The following HECW2 variants were observed in gnomAD, a reference collection of about 807,000 sequenced individuals.
The protein encoded by HECW2 is E3 ubiquitin-protein ligase HECW2.
Under a neutral mutation model 175.2 loss-of-function variants are expected in HECW2, and 61 were observed. The observed-to-expected ratio is 0.35, with a 90% CI of 0.28 to 0.43. The LOEUF (loss-of-function observed/expected upper bound fraction) is 0.43, where lower values mean the gene tolerates loss of function less well. Among genes scored for constraint, HECW2 ranks in the 20% least tolerant of loss-of-function variants. HECW2 has a pLI of 1.00. For missense variants in HECW2, 1,524 were observed against 2,000.5 expected (o/e 0.76, Z 4.54); for synonymous variants, 671 against 731.0 (o/e 0.92, Z 1.32).
At chr2:196,266,369 T>G (rs1689519738) in intron 17 of HECW2, among the ~76,000 whole-genome samples, 2 of 151,336 alleles carry the variant, frequency 1.3e-5, no homozygotes, top group South Asian at 4.2e-4. Context: ...AAAAAAGGTG[T>G]CTTTAAAAAT....
intron 28 of HECW2, among the ~76,000 whole-genome samples, chr2:196,212,977 G>A (rs1258142081): frequency 2.0e-5 from 3 of 152,094 alleles, no homozygotes; most frequent in African/African-American, 7.2e-5. Context: ...GCAACTTAAC[G>A]CCTATCAAAA....
chr2:196,343,434 C>T (rs921479588), intron 3 of HECW2, among the ~76,000 whole-genome samples: 7 of 152,054 alleles, frequency 4.6e-5, no homozygotes, highest in East Asian at 1.9e-4. Flanking sequence ...GTGAAATCCA[C>T]GGATATGGAT....
At chr2:196,358,980 C>T (rs1471513157) in intron 2 of HECW2, among the ~76,000 whole-genome samples, 1 of 152,164 alleles carries the variant, frequency 6.6e-6, no homozygotes, top group Admixed American at 6.5e-5. Flanking sequence ...TTAAGCCTGG[C>T]TTGATAAAGA....
chr2:196,224,204 A>G lies in HECW2; in HGVS notation c.4016+1568T>C, dbSNP rs80253065. ...AGAGTGGCCTGAGAATAGTGGCACT[A>G]TTAACTGTAACTGGGCATATGGGAG... On this transcript the variant is annotated intron_variant, in intron 23 of 28. Coordinates refer to ENST00000644978, the MANE Select transcript of HECW2 (RefSeq NM_001348768.2). 7.3e-3 allele frequency among the ~76,000 whole-genome samples: 1,107 copies of G among 152,314 alleles called. 17 individuals are homozygous for G. The highest frequency in any genetic ancestry group is 0.025 in the African/African-American group (1,029 of 41,574).
At chr2:196,415,843 C>A (rs1219513707) in intron 2 of HECW2, among the ~76,000 whole-genome samples, 1 of 152,112 alleles carries the variant, frequency 6.6e-6, no homozygotes, top group Non-Finnish European at 1.5e-5. Flanking sequence ...AGAAAAAAGT[C>A]TCAAAAAGAA....
At chr2:196,454,307 A>G (rs1488207233) in intron 1 of HECW2, among the ~76,000 whole-genome samples, 2 of 152,220 alleles carry the variant, frequency 1.3e-5, no homozygotes, top group East Asian at 3.8e-4. Flanking sequence ...GAGCAAAACT[A>G]TTTTGTAGCT....
chr2:196,316,174 A>G (rs1691687272), intron 10 of HECW2: 1 of 152,226 alleles, frequency 6.6e-6, no homozygotes, highest in Non-Finnish European at 1.5e-5. Context: ...TGCTTAAAAT[A>G]TGTTTGTTAT....
chr2:196,343,292 C>T (rs1362977498), intron 3 of HECW2, among the ~76,000 whole-genome samples: 1 of 152,068 alleles, frequency 6.6e-6, no homozygotes, highest in Non-Finnish European at 1.5e-5. Flanking sequence ...AACATAAATG[C>T]TATGCAAATA....
chr2:196,470,230 A>G lies in HECW2; in HGVS notation c.-35-36772T>C, dbSNP rs188583989. On this transcript the variant is annotated intron_variant, in intron 1 of 28. Coordinates refer to ENST00000644978, the MANE Select transcript of HECW2 (RefSeq NM_001348768.2). ...TACTTATTCATCTGGACAAGCATCA[A>G]TTGCAGTGAGCCAGTTTCTGACCAC... is the stretch of plus-strand genomic sequence containing the variant. Among the ~76,000 whole-genome samples the G allele has an allele frequency of 5.0e-4, 76 of 152,238 alleles. No individual in the cohort carries two copies. In the East Asian group the frequency reaches 5.8e-3, roughly 12 times the overall value.
At chr2:196,475,089 G>A (rs374790615) in intron 1 of HECW2, among the ~76,000 whole-genome samples, 21 of 151,994 alleles carry the variant, frequency 1.4e-4, no homozygotes, top group Non-Finnish European at 2.4e-4. Flanking sequence ...ACAACCAAAG[G>A]CCCTTTCTCA....
At chr2:196,425,198 A>G (rs1170603963) in intron 2 of HECW2, among the ~76,000 whole-genome samples, 1 of 145,458 alleles carries the variant, frequency 6.9e-6, no homozygotes, top group Non-Finnish European at 1.5e-5. Flanking sequence ...TGAATATTTT[A>G]AGGCCACTAT....
chr2:196,421,431 A>G (rs1695404912), intron 2 of HECW2, among the ~76,000 whole-genome samples: 1 of 152,202 alleles, frequency 6.6e-6, no homozygotes, highest in Admixed American at 6.5e-5. Flanking sequence ...GACAACTGAT[A>G]ACAGACAAAA....
At chr2:196,241,891 A>C (rs909400988) in intron 20 of HECW2, among the ~76,000 whole-genome samples, 193 bp downstream of exon 20, 8 of 152,230 alleles carry the variant, frequency 5.3e-5, no homozygotes, top group African/African-American at 1.9e-4. Context: ...ATTTGTTTTA[A>C]AATGTTAAGC....
intron 3 of HECW2, among the ~76,000 whole-genome samples, chr2:196,338,902 G>A (rs1692647162): frequency 2.0e-5 from 3 of 152,028 alleles, no homozygotes; most frequent in African/African-American, 7.2e-5. Flanking sequence ...TGCTTTTGAG[G>A]AAATTTACCC....
intron 1 of HECW2, among the ~76,000 whole-genome samples, chr2:196,487,242 A>G (rs1687041707): frequency 2.0e-5 from 3 of 152,068 alleles, no homozygotes; most frequent in African/African-American, 7.2e-5. Context: ...TGAGCCCAGG[A>G]TGTTGAGGTG....
intron 2 of HECW2, among the ~76,000 whole-genome samples, chr2:196,357,523 A>T (rs565025279): frequency 6.6e-6 from 1 of 152,344 alleles, no homozygotes; most frequent in East Asian, 1.9e-4. Flanking sequence ...TTTGTAGCTC[A>T]GTAAAACCCT....
At chr2:196,241,560 A>G (rs1688455977) in intron 20 of HECW2, among the ~76,000 whole-genome samples, 1 of 152,228 alleles carries the variant, frequency 6.6e-6, no homozygotes, top group African/African-American at 2.4e-5. Flanking sequence ...TAAGTAGGGA[A>G]TGGAAACAAT....
Position 196,319,866 on chromosome 2 carries a change from T to C in HECW2, c.1024A>G (p.Asn342Asp). 8.1e-6 allele frequency: 13 copies of C among 1,613,176 alleles called. No homozygotes were observed. Among genetic ancestry groups the C allele is most frequent in the Non-Finnish European group, 1.0e-5 (12 of 1,179,272 alleles). Residue 342 changes from asparagine (N) to aspartate (D), a missense_variant, in exon 9 of 29, where the codon AAT (asparagine) becomes GAT (aspartate). Transcript: ENST00000644978. ...PEAVGTILGV[N>D]SVNGDLGSPS... ...CTACCTAAGTCTCCATTCACAGAATTGACTCCAAGTATTGTGCCAACAGCT... is the reference window on the plus strand; with the variant it reads ...CTACCTAAGTCTCCATTCACAGAATCGACTCCAAGTATTGTGCCAACAGCT...
At chr2:196,222,453 G>C in intron 23 of HECW2, 113 bp from the exon 24 acceptor site, 1 of 918,842 alleles carries the variant, frequency 1.1e-6, no homozygotes, top group Non-Finnish European at 1.6e-6. Context: ...CACTACATAG[G>C]CAGTGATTTC....
Sources: gnomAD v4.1 joint callset for allele counts (sites outside exome capture counted in the v4.1 genomes callset) on GRCh38, gnomAD v4.1.1 for gene constraint, MANE v1.5 for transcripts, NCBI Gene and HGNC (gene_info 2026-07-23, HGNC 2026-07-21) for gene names.